The following SMARCA4 variants were observed in gnomAD, a reference collection of about 807,000 sequenced individuals.
SMARCA4 encodes the protein SWI/SNF-related matrix-associated actin-dependent regulator of chromatin subfamily A member 4.
SMARCA4 carries 31 observed loss-of-function variants against 193.9 expected under a neutral mutation model. That is an observed-to-expected ratio of 0.16 (90% CI 0.12 to 0.22). SMARCA4 has a LOEUF of 0.22. Ranked by LOEUF, SMARCA4 falls within the 10% of genes least tolerant of loss-of-function variation. The pLI, the probability that SMARCA4 is intolerant of heterozygous loss-of-function variation, is 1.00. For missense variants in SMARCA4, 1,148 were observed against 2,296.0 expected, an observed-to-expected ratio of 0.50 and a Z score of 10.22; for synonymous variants, 942 against 933.1, an observed-to-expected ratio of 1.01 and a Z score of -0.17.
At chr19:10,970,133 G>A (rs2145504057) in intron 1 of SMARCA4, among the ~76,000 whole-genome samples, 1 of 152,270 alleles carries the variant, frequency 6.6e-6, no homozygotes, top group Non-Finnish European at 1.5e-5. Context: ...CTCCTAGATA[G>A]CCCAGGATGG....
At chr19:11,032,813 G>C (rs951703033) in intron 25 of SMARCA4, 1 of 257,908 alleles carries the variant, frequency 3.9e-6, no homozygotes, top group East Asian at 9.0e-5. Context: ...TAGGCTGAGG[G>C]AGTTTTGAGG....
chr19:10,977,371 T>C (rs1368491691), intron 1 of SMARCA4, among the ~76,000 whole-genome samples: 1 of 152,088 alleles, frequency 6.6e-6, no homozygotes, highest in African/African-American at 2.4e-5. Context: ...TTGCCCAGGC[T>C]GGAGTGCAGT....
chr19:11,002,883 C>T (rs1301257780), intron 11 of SMARCA4, 146 bp from the exon 12 acceptor site: 2 of 737,476 alleles, frequency 2.7e-6, no homozygotes, highest in African/African-American at 1.7e-5. Flanking sequence ...ACTGAGTATA[C>T]AGTTTACGCA....
At chr19:10,969,299 G>A (rs1230542650) in intron 1 of SMARCA4, among the ~76,000 whole-genome samples, 1 of 152,188 alleles carries the variant, frequency 6.6e-6, no homozygotes, top group Non-Finnish European at 1.5e-5. Context: ...TCTTAGAAGT[G>A]GAGGTCTTGA....
chr19:11,015,789 C>G (rs887207783), intron 16 of SMARCA4, among the ~76,000 whole-genome samples: 2 of 151,894 alleles, frequency 1.3e-5, no homozygotes, highest in Non-Finnish European at 2.9e-5. Context: ...GGCGGATCAC[C>G]TGAGGTCAGG....
In SMARCA4 at chr19:10,999,022, C is replaced by T. The variant is rs541227837; in HGVS notation, c.1812+2478C>T. ...GACTGAAGCGATCCTCCCACCTCAGCCTCCTGAGTACCTGGGGCTACAGGC... is the reference window on the plus strand; with the variant it reads ...GACTGAAGCGATCCTCCCACCTCAGTCTCCTGAGTACCTGGGGCTACAGGC... On this transcript the variant is annotated intron_variant, in intron 11 of 34. Transcript: ENST00000344626. 6.6e-5 allele frequency among the ~76,000 whole-genome samples: 10 copies of T among 152,068 alleles called. 1 individual carries two copies. Among genetic ancestry groups the T allele is most frequent in the Admixed American group, 4.6e-4 (7 of 15,250 alleles).
At chr19:10,992,143 G>A (rs531708395) in intron 8 of SMARCA4, among the ~76,000 whole-genome samples, 3 of 146,746 alleles carry the variant, frequency 2.0e-5, no homozygotes, top group East Asian at 4.0e-4. Context: ...ATGGAGTCTC[G>A]CTGTGTCACT....
rs376219601 is a variant in SMARCA4 at position 10,986,906 on chromosome 19, T to C, written c.762T>C (p.Gly254=). The change falls in exon 5 of 35, where the codon GGT becomes GGC. Residue 254 remains glycine (G), a splice_region_variant and synonymous_variant. Coordinates refer to ENST00000344626, the MANE Select transcript of SMARCA4 (RefSeq NM_003072.5). The surrounding 1 kb of genome is among the most constrained non-coding windows in gnomAD (Gnocchi z 6.7). ...PAPPNYSRPH[G]MGGPNMPPPG... ...TCTTTTGTTTCTCCCTACATGTAGG[T>C]ATGGGAGGGCCCAACATGCCTCCCC... 3.4e-5 allele frequency: 54 copies of C among 1,609,458 alleles called. No homozygotes were observed. The highest frequency in any genetic ancestry group is 4.4e-5 in the Non-Finnish European group (52 of 1,176,536).
chr19:11,010,343 A>G (rs1282656315), intron 14 of SMARCA4, 38 bp from the exon 15 acceptor site: 1 of 1,610,718 alleles, frequency 6.2e-7, no homozygotes, highest in Non-Finnish European at 8.5e-7. Context: ...ACAGATAGGA[A>G]TGTGTGTCCT....
rs1162053241 is a variant in SMARCA4 at position 11,026,293 on chromosome 19, C to G, written c.3169-7C>G. The G allele has an allele frequency of 6.2e-7, 1 of 1,613,514 alleles. No homozygotes were observed. Among genetic ancestry groups the G allele is most frequent in the Non-Finnish European group, 8.5e-7 (1 of 1,179,580 alleles). On this transcript the variant is annotated splice_polypyrimidine_tract_variant and splice_region_variant and intron_variant, in intron 22 of 34. Transcript: ENST00000344626. ...CTGTCACTGACCCCTCTCTCCTTGCCTTGCAGGAGTCCTTTTCCGAGCACT... is the reference window on the plus strand; with the variant it reads ...CTGTCACTGACCCCTCTCTCCTTGCGTTGCAGGAGTCCTTTTCCGAGCACT...
At chr19:11,027,127 C>T (rs1420179026) in intron 23 of SMARCA4, among the ~76,000 whole-genome samples, 1 of 152,210 alleles carries the variant, frequency 6.6e-6, no homozygotes, top group African/African-American at 2.4e-5. Context: ...CCATTCAATT[C>T]CCCTGGGGTA....
chr19:11,007,207 G>A (rs1317596914), intron 13 of SMARCA4, among the ~76,000 whole-genome samples: 3 of 151,994 alleles, frequency 2.0e-5, no homozygotes, highest in Non-Finnish European at 4.4e-5. Flanking sequence ...CAAGGCAGGC[G>A]GATCACGAGG....
intron 21 of SMARCA4, among the ~76,000 whole-genome samples, chr19:11,024,902 G>A (rs1032793915): frequency 3.3e-5 from 5 of 151,796 alleles, no homozygotes; most frequent in Admixed American, 1.3e-4. Flanking sequence ...TGGCTTCCCC[G>A]AGACGTTGTG....
Position 11,008,033 on chromosome 19 carries a change from C to A in SMARCA4, c.2123+10C>A. 6.2e-7 allele frequency: 1 copy of A among 1,611,794 alleles called. No individual in the cohort carries two copies. The highest frequency in any genetic ancestry group is 8.5e-7 in the Non-Finnish European group (1 of 1,178,742). ...CGCGGCACATCATTGAGTAAGGGGT[C>A]CCGACACAGGTTGTTCTGTGCCAGC... On this transcript the variant is annotated intron_variant, in intron 14 of 34. Coordinates refer to ENST00000344626, the MANE Select transcript of SMARCA4 (RefSeq NM_003072.5).
chr19:11,009,007 C>CTTTTTTTT lies in SMARCA4; in HGVS notation c.2123+1011_2123+1018dup, dbSNP rs762148337. ...AAAAAATGTAGGTGGATAAAAGTCA[C>CTTTTTTTT]TTTTTTTTTTTTTTTTTTTTTTTTT... On this transcript the variant is annotated intron_variant, in intron 14 of 34. Coordinates refer to ENST00000344626, the MANE Select transcript of SMARCA4 (RefSeq NM_003072.5). Among the ~76,000 whole-genome samples the CTTTTTTTT allele has an allele frequency of 1.7e-3, 71 of 40,956 alleles. 14 individuals are homozygous for CTTTTTTTT. The highest frequency in any genetic ancestry group is 7.3e-3 in the East Asian group (8 of 1,098). The allele number at this position is 40,956 out of a possible 152,430, so 26.9% of individuals were successfully genotyped here.
intron 29 of SMARCA4, among the ~76,000 whole-genome samples, chr19:11,037,781 G>A (rs912846551): frequency 6.6e-6 from 1 of 152,132 alleles, no homozygotes; most frequent in Admixed American, 6.5e-5. Flanking sequence ...ATCCATGTAA[G>A]ATCCATTTTG....
At chr19:10,998,621 CT>C (rs1296673620) in intron 11 of SMARCA4, among the ~76,000 whole-genome samples, 1 of 151,030 alleles carries the variant, frequency 6.6e-6, no homozygotes, top group Admixed American at 6.6e-5. Flanking sequence ...GAAAAGCTTT[CT>C]CTTTGGTCCT....
In SMARCA4 at chr19:11,025,747, G is replaced by A. The variant is rs1406659074; in HGVS notation, c.3168+239G>A. 6 of 511,988 alleles carry A rather than the reference G, an allele frequency of 1.2e-5. No individual in the cohort carries two copies. In the East Asian group the frequency reaches 1.8e-4, roughly 15 times the overall value. The allele number at this position is 511,988 out of a possible 1,614,324, so 31.7% of individuals were successfully genotyped here. A position where few individuals can be genotyped will look rare whatever the true frequency, so the allele number is the denominator to read the frequency against. On this transcript the variant is annotated intron_variant, in intron 22 of 34. Transcript: ENST00000344626. ...CTGAAAGCTTGCCCTCAGAGAGCAG[G>A]AGCGTTTGGAGACTTCTCTGGGGAT...
At chr19:10,990,392 C>G (rs2086453442) in intron 7 of SMARCA4, among the ~76,000 whole-genome samples, 1 of 152,100 alleles carries the variant, frequency 6.6e-6, no homozygotes, top group Non-Finnish European at 1.5e-5. Context: ...GATTCTCCCA[C>G]CTCAGCCTCC....
Sources: gnomAD v4.1 joint callset for allele counts (sites outside exome capture counted in the v4.1 genomes callset) on GRCh38, gnomAD v4.1.1 for gene constraint, Gnocchi (gnomAD v3.1) non-coding constraint, MANE v1.5 for transcripts, NCBI Gene and HGNC (gene_info 2026-07-23, HGNC 2026-07-21) for gene names.